Variants in CLVS1 observed in about 807,000 individuals in gnomAD.
The protein encoded by CLVS1 is clavesin 1, also known as clavesin-1.
CLVS1 carries 10 observed loss-of-function variants against 33.1 expected under a neutral mutation model. The observed-to-expected ratio is 0.30, with a 90% CI of 0.19 to 0.51. CLVS1 has a LOEUF of 0.51. Ranked by LOEUF, CLVS1 falls within the 20% of genes least tolerant of loss-of-function variation. The pLI is 0.97. For missense variants in CLVS1, 343 were observed against 433.4 expected, an observed-to-expected ratio of 0.79 and a Z score of 1.85; for synonymous variants, 163 against 166.1, an observed-to-expected ratio of 0.98 and a Z score of 0.14.
chr8:61,086,166 G>T (rs527910294), intron 1 of CLVS1, among the ~76,000 whole-genome samples: 125 of 150,966 alleles, frequency 8.3e-4, no homozygotes, highest in African/African-American at 2.9e-3. Flanking sequence ...GGCAGAGGTT[G>T]CAGTGAGCCA....
intron 3 of CLVS1, among the ~76,000 whole-genome samples, chr8:61,395,002 A>G (rs1340084072): frequency 1.3e-5 from 2 of 152,198 alleles, no homozygotes; most frequent in Non-Finnish European, 2.9e-5. Context: ...GTCTGTCCAA[A>G]TCCTTTGCCC....
intron 1 of CLVS1, among the ~76,000 whole-genome samples, chr8:61,114,811 C>T (rs901729471): frequency 3.1e-4 from 47 of 152,204 alleles, no homozygotes; most frequent in Non-Finnish European, 7.3e-5. Flanking sequence ...CTTACATTCT[C>T]AAGTCACTGA....
intron 1 of CLVS1, among the ~76,000 whole-genome samples, chr8:61,100,036 C>T (rs1216895516): frequency 1.3e-5 from 2 of 152,170 alleles, no homozygotes; most frequent in African/African-American, 4.8e-5. Context: ...TCTTCCACCT[C>T]CCTTTTCACT....
chr8:61,124,849 G>A (rs555364279), intron 1 of CLVS1, among the ~76,000 whole-genome samples: 1 of 152,320 alleles, frequency 6.6e-6, no homozygotes, highest in Admixed American at 6.5e-5. Context: ...GTCCTGAAGT[G>A]TGATCAGTGC....
At chr8:61,385,553 G>GA (rs369049496) in intron 3 of CLVS1, among the ~76,000 whole-genome samples, 25 of 151,696 alleles carry the variant, frequency 1.6e-4, no homozygotes, top group African/African-American at 4.8e-4. Context: ...AAGAATTAGT[G>GA]AAAAAAAAGA....
At chr8:61,276,794 T>C (rs555184405) in intron 2 of CLVS1, among the ~76,000 whole-genome samples, 1 of 152,328 alleles carries the variant, frequency 6.6e-6, no homozygotes, top group African/African-American at 2.4e-5. Flanking sequence ...AGTTATTATG[T>C]AAAAACAGAA....
intron 2 of CLVS1, among the ~76,000 whole-genome samples, chr8:61,186,378 G>C (rs1464785725): frequency 6.6e-6 from 1 of 152,166 alleles, no homozygotes; most frequent in African/African-American, 2.4e-5. Flanking sequence ...CTCAAGAGAA[G>C]GTGCAATTTT....
intron 2 of CLVS1, among the ~76,000 whole-genome samples, chr8:61,162,184 C>T (rs1009654510): frequency 6.6e-6 from 1 of 152,176 alleles, no homozygotes; most frequent in African/African-American, 2.4e-5. Flanking sequence ...TCAAAATTGC[C>T]TATATTCCCC....
rs267601963 is a variant in CLVS1, at chr8:61,300,241, G to A, written c.414G>A (p.Arg138=). 6.2e-7 allele frequency: 1 copy of A among 1,613,900 alleles called. No homozygotes were observed. The highest frequency in any genetic ancestry group is 1.1e-5 in the South Asian group (1 of 91,062). ...TGGAAAACCGAGACCATTACGGCAGGAAGATTCTTTTGCTGTTTGCAGCCA... is the reference window on the plus strand; with the variant it reads ...TGGAAAACCGAGACCATTACGGCAGAAAGATTCTTTTGCTGTTTGCAGCCA... The part of the protein sequence containing the change: ...GVLENRDHYG[R]KILLLFAANW... Residue 138 remains arginine, a synonymous_variant, in exon 2 of 6, where the codon AGG becomes AGA. Coordinates refer to ENST00000325897, the MANE Select transcript of CLVS1 (RefSeq NM_173519.3).
At position 61,199,074 on chromosome 8, in the gene CLVS1, G is replaced by T. The variant is rs182909352; in HGVS notation, c.-152+67214G>T. Among the ~76,000 whole-genome samples, 28 of 152,180 alleles carry T rather than the reference G, an allele frequency of 1.8e-4. No homozygotes were observed. In the East Asian group the frequency reaches 2.1e-3, roughly 12 times the overall value. On this transcript the variant is annotated intron_variant, in intron 2 of 2. Transcript: ENST00000522621. ...GGTATAATGACCTATTTTCCTTTGG[G>T]CAGATACTCCGTAGTGGGATTGCTG...
At chr8:61,174,460 C>T (rs1807073492) in intron 2 of CLVS1, among the ~76,000 whole-genome samples, 1 of 134,990 alleles carries the variant, frequency 7.4e-6, no homozygotes, top group Non-Finnish European at 1.7e-5. Flanking sequence ...AACAAACAAA[C>T]AAACAAACAA....
intron 1 of CLVS1, among the ~76,000 whole-genome samples, chr8:61,064,320 C>A (rs924558256): frequency 6.6e-6 from 1 of 152,166 alleles, no homozygotes; most frequent in African/African-American, 2.4e-5. Context: ...AGACGCTGCA[C>A]CATTTTATGC....
At chr8:61,219,238 G>T (rs545741390) in intron 2 of CLVS1, among the ~76,000 whole-genome samples, 11 of 151,976 alleles carry the variant, frequency 7.2e-5, no homozygotes, top group African/African-American at 2.4e-4. Flanking sequence ...TGTTACATAG[G>T]TATACATGTA....
intron 2 of CLVS1, among the ~76,000 whole-genome samples, chr8:61,268,285 T>C (rs1421494049): frequency 2.6e-5 from 4 of 151,622 alleles, no homozygotes; most frequent in Non-Finnish European, 1.5e-5. Flanking sequence ...TTTGTTCTTG[T>C]GATAGTGTAC....
At chr8:61,379,812 A>G (rs1215693574) in intron 3 of CLVS1, among the ~76,000 whole-genome samples, 1 of 152,186 alleles carries the variant, frequency 6.6e-6, no homozygotes, top group African/African-American at 2.4e-5. Context: ...GAAGCCTCGG[A>G]CATTCTGAAG....
intron 3 of CLVS1, 146 bp from the exon 4 acceptor site, chr8:61,453,995 A>C: frequency 1.5e-6 from 1 of 685,536 alleles, no homozygotes. Context: ...TTAGGAAGTG[A>C]GTGTGTTTTC....
Position 61,376,712 on chromosome 8 carries a change from AT to A in CLVS1, c.568del (p.Ser190ProfsTer8). The A allele has an allele frequency of 6.2e-7, 1 of 1,614,006 alleles. No individual in the cohort carries two copies. Among genetic ancestry groups the A allele is most frequent in the Non-Finnish European group, 8.5e-7 (1 of 1,179,968 alleles). On this transcript the variant is annotated frameshift_variant, in exon 3 of 6. Coordinates refer to ENST00000325897, the MANE Select transcript of CLVS1 (RefSeq NM_173519.3). LOFTEE classifies it high-confidence loss of function. ...NGFILIIDWS[N>X]FSFKQASKLT... is the part of the protein sequence containing the mutation. ...TTCATTTTAATTATAGACTGGAGTA[AT>A]TTTTCCTTCAAACAAGCCTCCAAAC...
At chr8:61,417,267 C>A (rs1277675037) in intron 3 of CLVS1, among the ~76,000 whole-genome samples, 2 of 152,168 alleles carry the variant, frequency 1.3e-5, no homozygotes, top group African/African-American at 4.8e-5. Context: ...GCATCTGCAT[C>A]CTCCACTCCG....
intron 3 of CLVS1, among the ~76,000 whole-genome samples, chr8:61,401,624 C>T (rs925760518): frequency 5.3e-5 from 8 of 152,222 alleles, no homozygotes; most frequent in African/African-American, 1.9e-4. Flanking sequence ...TGAAGATGGC[C>T]ATACTGCCCA....
Sources: allele counts gnomAD v4.1 joint callset (sites outside exome capture counted in the v4.1 genomes callset), GRCh38; gene constraint gnomAD v4.1.1; transcripts MANE v1.5; gene names NCBI Gene and HGNC (gene_info 2026-07-23, HGNC 2026-07-21).